MRE11: variants seen among roughly 807,000 people sequenced by gnomAD.
MRE11 encodes the protein MRE11 double strand break repair nuclease.
MRE11 carries 62 observed loss-of-function variants against 91.7 expected under a neutral mutation model. The ratio of observed to expected loss-of-function variants is 0.68; its 90% CI spans 0.55 to 0.84. The LOEUF is 0.84. Among genes scored for constraint, MRE11 ranks in the 40% least tolerant of loss-of-function variants. MRE11 has a pLI of 0.00. For synonymous variants in MRE11, 273 were observed against 271.4 expected (o/e 1.01, Z -0.06); for missense variants, 796 against 852.9 (o/e 0.93, Z 0.83).
intron 18 of MRE11, among the ~76,000 whole-genome samples, chr11:94,430,485 CTTT>C (rs56158500): frequency 6.9e-6 from 1 of 143,898 alleles, no homozygotes. Context: ...TCTTTTTACT[CTTT>C]TTTTTTTTTT....
At chr11:94,498,196 T>C (rs376191942), upstream of MRE11, 5 of 1,614,048 alleles carry the variant, frequency 3.1e-6, no homozygotes, top group African/African-American at 5.3e-5. Context: ...AGGAGCTCAT[T>C]GCACAGGGGG....
the MRE11 span, among the ~76,000 whole-genome samples, chr11:94,507,237 T>G: frequency 1.3e-5 from 2 of 152,238 alleles, no homozygotes; most frequent in African/African-American, 4.8e-5. Flanking sequence ...GTGTATATTT[T>G]TGCATTTGGT....
At chr11:94,420,330 A>T in intron 19 of MRE11, 149 bp from the exon 20 acceptor site, 1 of 601,188 alleles carries the variant, frequency 1.7e-6, no homozygotes, top group Non-Finnish European at 3.0e-6. Flanking sequence ...TGCAAAATAT[A>T]TTAAGTACAA....
chr11:94,452,250 T>C (rs562996929), intron 14 of MRE11, among the ~76,000 whole-genome samples: 2 of 150,038 alleles, frequency 1.3e-5, no homozygotes, highest in African/African-American at 2.4e-5. Context: ...AGAGAAAATG[T>C]GGCCAAACAA....
At chr11:94,506,874 G>A in the MRE11 span, among the ~76,000 whole-genome samples, 2 of 152,138 alleles carry the variant, frequency 1.3e-5, no homozygotes, top group Non-Finnish European at 2.9e-5. Context: ...ATAGGTGTGA[G>A]CCACGGTGCC....
At chr11:94,490,079 C>G (rs1481577425) in intron 3 of MRE11, among the ~76,000 whole-genome samples, 1 of 152,174 alleles carries the variant, frequency 6.6e-6, no homozygotes, top group African/African-American at 2.4e-5. Context: ...TAACTGGTCT[C>G]CAATTCATGG....
intron 16 of MRE11, among the ~76,000 whole-genome samples, chr11:94,441,838 G>A (rs1266971578): frequency 6.6e-6 from 1 of 151,836 alleles, no homozygotes; most frequent in Non-Finnish European, 1.5e-5. Flanking sequence ...TTAGCCAGGT[G>A]TGGTAGTGCA....
upstream of MRE11, among the ~76,000 whole-genome samples, chr11:94,495,743 G>C (rs1947409415): frequency 6.6e-6 from 1 of 152,088 alleles, no homozygotes; most frequent in African/African-American, 2.4e-5. Flanking sequence ...TAGGACTAGG[G>C]GAATTATGAA....
chr11:94,498,766 A>C, upstream of MRE11: 1 of 538,482 alleles, frequency 1.9e-6, no homozygotes, highest in Non-Finnish European at 3.3e-6. Context: ...AAATAATTTT[A>C]ATGTGTGTAT....
intron 18 of MRE11, 45 bp from the exon 19 acceptor site, chr11:94,430,031 T>G: frequency 6.3e-7 from 1 of 1,591,344 alleles, no homozygotes; most frequent in East Asian, 2.2e-5. Flanking sequence ...AACTACATAA[T>G]TCATCAAGTG....
intron 18 of MRE11, 126 bp from the exon 19 acceptor site, chr11:94,430,112 C>G: frequency 1.1e-6 from 1 of 921,572 alleles, no homozygotes; most frequent in Non-Finnish European, 1.7e-6. Flanking sequence ...CCCTTAAAAT[C>G]TACATTAGCG....
intron 14 of MRE11, among the ~76,000 whole-genome samples, chr11:94,448,116 G>T (rs1258525857): frequency 1.3e-5 from 2 of 151,898 alleles, no homozygotes; most frequent in African/African-American, 4.8e-5. Flanking sequence ...GAAATAATAA[G>T]AAAAAAACTT....
At chr11:94,446,285 T>G (rs1009944575) in intron 15 of MRE11, among the ~76,000 whole-genome samples, 5 of 152,122 alleles carry the variant, frequency 3.3e-5, no homozygotes, top group African/African-American at 1.2e-4. Flanking sequence ...TGGGCCCCTG[T>G]AATCCCAGCT....
chr11:94,419,910 T>C lies in MRE11; in HGVS notation c.*215A>G, dbSNP rs1000508431. Reference sequence around the variant, plus strand: ...AAAATGGTAGCTTTATTTTAATCTTTACTCAAGAGTGATATTGAAACAAAG... The same window carrying C: ...AAAATGGTAGCTTTATTTTAATCTTCACTCAAGAGTGATATTGAAACAAAG... On this transcript the variant is annotated 3_prime_UTR_variant, in exon 20 of 20. Coordinates refer to ENST00000323929, the MANE Select transcript of MRE11 (RefSeq NM_005591.4). 2.2e-5 allele frequency: 8 copies of C among 367,956 alleles called. No individual in the cohort carries two copies. Among genetic ancestry groups the C allele is most frequent in the Non-Finnish European group, 4.0e-5 (8 of 201,984 alleles). 22.8% of individuals were successfully genotyped at this position (367,956 alleles called of 1,614,324 possible).
the MRE11 span, among the ~76,000 whole-genome samples, chr11:94,503,314 C>T: frequency 6.6e-6 from 1 of 152,148 alleles, no homozygotes; most frequent in Non-Finnish European, 1.5e-5. Flanking sequence ...TGTAAGAGAA[C>T]TCATGCAATA....
At position 94,486,010 on chromosome 11, in the gene MRE11, G is replaced by A. The variant is rs748605250; in HGVS notation, c.228C>T (p.Leu76=). Residue 76 remains leucine (L), a synonymous_variant, in exon 4 of 20, where the codon CTC becomes CTT. Coordinates refer to ENST00000323929, the MANE Select transcript of MRE11 (RefSeq NM_005591.4). ...KPSRKTLHTC[L]ELLRKYCMGD... ...CCATACAATATTTTCTTAATAACTCGAGGCAGGTATGTAATGTTTTCCTTG... is the reference window on the plus strand; with the variant it reads ...CCATACAATATTTTCTTAATAACTCAAGGCAGGTATGTAATGTTTTCCTTG... 28 of 1,613,738 alleles carry A rather than the reference G, an allele frequency of 1.7e-5. 1 individual carries two copies. The highest frequency in any genetic ancestry group is 3.3e-4 in the Middle Eastern group (2 of 6,048).
intron 10 of MRE11, among the ~76,000 whole-genome samples, chr11:94,467,349 GA>G (rs35308961): frequency 0.046 from 7,025 of 152,054 alleles, 401 homozygotes; most frequent in African/African-American, 0.13. Context: ...GTGTTACGGG[GA>G]AAAAAATAAG....
At chr11:94,489,819 A>G (rs1398013335) in intron 3 of MRE11, among the ~76,000 whole-genome samples, 1 of 152,162 alleles carries the variant, frequency 6.6e-6, no homozygotes, top group African/African-American at 2.4e-5. Context: ...TCCAACTCTA[A>G]GTTTGTCGAA....
the MRE11 span, among the ~76,000 whole-genome samples, chr11:94,505,523 G>A: frequency 8.5e-5 from 13 of 152,140 alleles, no homozygotes; most frequent in Non-Finnish European, 1.6e-4. Flanking sequence ...TTGCATAGCT[G>A]TACAAGGTGT....
Sources: allele counts gnomAD v4.1 joint callset (sites outside exome capture counted in the v4.1 genomes callset), GRCh38; gene constraint gnomAD v4.1.1; transcripts MANE v1.5; gene names NCBI Gene and HGNC (gene_info 2026-07-23, HGNC 2026-07-21).